Variants in UTRN observed in about 807,000 individuals in gnomAD.
UTRN encodes utrophin.
A neutral mutation model predicts 463.9 loss-of-function variants in UTRN; 283 were observed. That is an observed-to-expected ratio of 0.61 (90% confidence interval 0.55 to 0.67). The LOEUF (loss-of-function observed/expected upper bound fraction) is 0.67, where lower values mean the gene tolerates loss of function less well. UTRN is among the 30% of genes least tolerant of loss of function. UTRN has a pLI of 0.00. For synonymous variants in UTRN, 1,442 were observed against 1,431.5 expected (o/e 1.01, Z -0.17); for missense variants, 3,922 against 4,084.3 (o/e 0.96, Z 1.08).
intron 27 of UTRN, among the ~76,000 whole-genome samples, chr6:144,484,756 C>T (rs1162098856): frequency 6.6e-6 from 1 of 151,930 alleles, no homozygotes; most frequent in Non-Finnish European, 1.5e-5. Flanking sequence ...AAAAAACAAA[C>T]TAAATAATGT....
intron 2 of UTRN, among the ~76,000 whole-genome samples, chr6:144,402,800 G>A (rs1783041133): frequency 6.6e-6 from 1 of 152,066 alleles, no homozygotes; most frequent in Non-Finnish European, 1.5e-5. Flanking sequence ...AAAGTGCTAC[G>A]GGTACTAGCT....
At chr6:144,394,520 G>A (rs1782221571) in intron 2 of UTRN, among the ~76,000 whole-genome samples, 1 of 152,028 alleles carries the variant, frequency 6.6e-6, no homozygotes, top group East Asian at 1.9e-4. Flanking sequence ...TTTGTGTGAG[G>A]ACACAGACAA....
Position 144,462,632 on chromosome 6 carries a change from A to T in UTRN, c.2854-22A>T, listed in dbSNP as rs202020697. ...CAGACACATTTTTGTGCATATTTTTAATCTTTTAAAACTTTTTCCAGACCC... is the reference window on the plus strand; with the variant it reads ...CAGACACATTTTTGTGCATATTTTTTATCTTTTAAAACTTTTTCCAGACCC... On this transcript the variant is annotated intron_variant, in intron 22 of 74. Transcript: ENST00000367545. 3 of 1,577,344 alleles carry T rather than the reference A, an allele frequency of 1.9e-6. No homozygotes were observed. The East Asian group carries it at 6.8e-5, about 36-fold the overall frequency.
intron 37 of UTRN, 99 bp from the exon 38 acceptor site, chr6:144,516,129 TA>T (rs1160077198): frequency 2.4e-6 from 3 of 1,234,956 alleles, no homozygotes; most frequent in East Asian, 2.4e-5. Flanking sequence ...AAAAGTCAGT[TA>T]AAAAAGTGTT....
chr6:144,447,185 A>G (rs1314023805), intron 14 of UTRN, 26 bp from the exon 15 acceptor site: 1 of 1,592,478 alleles, frequency 6.3e-7, no homozygotes, highest in African/African-American at 1.4e-5. Flanking sequence ...TTGCAGATAA[A>G]GTTCAACTTT....
chr6:144,851,749 G>A lies in UTRN; in HGVS notation c.*752G>A, dbSNP rs1480906168. 6.6e-6 allele frequency: 1 copy of A among 151,976 alleles called. No individual in the cohort carries two copies. Among genetic ancestry groups the A allele is most frequent in the Non-Finnish European group, 1.5e-5 (1 of 67,992 alleles). 9.4% of individuals were successfully genotyped at this position (151,976 alleles called of 1,614,324 possible). ...GCATTTCTTTTGGGATATTTTTCCT[G>A]CATTTTATTCCCTTTTTATATAAGT... On this transcript the variant is annotated 3_prime_UTR_variant, in exon 75 of 75. Transcript: ENST00000367545.
intron 2 of UTRN, among the ~76,000 whole-genome samples, chr6:144,361,834 G>T (rs561489009): frequency 8.9e-4 from 131 of 147,248 alleles, no homozygotes; most frequent in Non-Finnish European, 6.5e-4. Context: ...TTGAACTCCT[G>T]GGCTTAAGTG....
intron 3 of UTRN, among the ~76,000 whole-genome samples, chr6:144,418,372 C>G (rs979418431): frequency 8.4e-6 from 1 of 119,026 alleles, no homozygotes; most frequent in African/African-American, 2.9e-5. Context: ...CGCCACCACG[C>G]CCGGCTAATT....
At chr6:144,569,707 G>T (rs1027771017) in intron 50 of UTRN, among the ~76,000 whole-genome samples, 3 of 152,210 alleles carry the variant, frequency 2.0e-5, no homozygotes, top group African/African-American at 7.2e-5. Context: ...TTACTGTCAT[G>T]ATCAGAGATA....
chr6:144,594,558 A>G (rs1338260900), intron 51 of UTRN, among the ~76,000 whole-genome samples: 2 of 152,218 alleles, frequency 1.3e-5, no homozygotes. Context: ...TTTAAAAATT[A>G]GTACAGTAAA....
At chr6:144,437,798 T>C (rs1439469772) in intron 11 of UTRN, 52 bp downstream of exon 11, 1 of 1,555,240 alleles carries the variant, frequency 6.4e-7, no homozygotes, top group Non-Finnish European at 8.7e-7. Flanking sequence ...CTTTGCACAG[T>C]TGAGCTCTAG....
intron 53 of UTRN, among the ~76,000 whole-genome samples, chr6:144,720,349 A>G (rs1786992481): frequency 6.6e-6 from 1 of 152,212 alleles, no homozygotes; most frequent in Admixed American, 6.5e-5. Context: ...ATAATTGGGA[A>G]TCTCTGTATA....
chr6:144,499,937 A>G (rs1401063817), intron 34 of UTRN, among the ~76,000 whole-genome samples: 1 of 152,216 alleles, frequency 6.6e-6, no homozygotes, highest in East Asian at 1.9e-4. Flanking sequence ...GCTGCAAAGG[A>G]CATGATTTCA....
intron 54 of UTRN, among the ~76,000 whole-genome samples, chr6:144,734,371 T>G (rs1050638356): frequency 3.9e-5 from 6 of 152,198 alleles, no homozygotes; most frequent in Non-Finnish European, 8.8e-5. Flanking sequence ...GTAATTGGAT[T>G]ATTGATTTTT....
At chr6:144,464,246 C>T (rs1789708427) in intron 23 of UTRN, among the ~76,000 whole-genome samples, 2 of 152,062 alleles carry the variant, frequency 1.3e-5, no homozygotes, top group African/African-American at 4.8e-5. Context: ...AGGGATCCAG[C>T]CAGATTCTCT....
At chr6:144,349,004 G>T (rs1777855642) in intron 2 of UTRN, among the ~76,000 whole-genome samples, 1 of 152,030 alleles carries the variant, frequency 6.6e-6, no homozygotes, top group Non-Finnish European at 1.5e-5. Flanking sequence ...ACATGGTACT[G>T]AGCAGTTCTT....
chr6:144,841,053 A>G (rs565319690), intron 73 of UTRN, among the ~76,000 whole-genome samples: 2 of 152,234 alleles, frequency 1.3e-5, no homozygotes, highest in Non-Finnish European at 2.9e-5. Context: ...CTGCTCTTTG[A>G]GATTTTTCAA....
At chr6:144,678,637 T>A in intron 52 of UTRN, 59 bp downstream of exon 52, 1 of 1,437,666 alleles carries the variant, frequency 7.0e-7, no homozygotes. Flanking sequence ...ATACTTGTGA[T>A]TTTTGTATAT....
chr6:144,315,603 A>G (rs962211210), intron 2 of UTRN, among the ~76,000 whole-genome samples: 1 of 152,240 alleles, frequency 6.6e-6, no homozygotes, highest in African/African-American at 2.4e-5. Flanking sequence ...GTGGGCAATT[A>G]GATAACGGCG....
Sources: allele counts gnomAD v4.1 joint callset (sites outside exome capture counted in the v4.1 genomes callset), GRCh38; gene constraint gnomAD v4.1.1; transcripts MANE v1.5; gene names NCBI Gene and HGNC (gene_info 2026-07-23, HGNC 2026-07-21).